The following PDSS2 variants were observed in gnomAD, a reference collection of about 807,000 sequenced individuals.
PDSS2 encodes all trans-polyprenyl-diphosphate synthase PDSS2.
In PDSS2, 31 loss-of-function variants were observed where a neutral mutation model predicts 44.5. That is an observed-to-expected ratio of 0.70 (90% CI 0.52 to 0.94). The LOEUF is 0.94. Among genes scored for constraint, PDSS2 ranks in the 40% least tolerant of loss-of-function variants. The pLI is 0.00. For synonymous variants in PDSS2, 157 were observed against 180.3 expected, an observed-to-expected ratio of 0.87 and a Z score of 1.03; for missense variants, 452 against 482.2, an observed-to-expected ratio of 0.94 and a Z score of 0.59.
At chr6:107,317,848 G>A (rs1458631440) in intron 2 of PDSS2, among the ~76,000 whole-genome samples, 2 of 152,130 alleles carry the variant, frequency 1.3e-5, no homozygotes, top group Non-Finnish European at 2.9e-5. Context: ...TTTGGGGTAC[G>A]CAGATCTTTA....
intron 1 of PDSS2, among the ~76,000 whole-genome samples, chr6:107,347,375 G>A (rs986766913): frequency 6.7e-6 from 1 of 148,314 alleles, no homozygotes; most frequent in Non-Finnish European, 1.5e-5. Flanking sequence ...CGATTCAAGC[G>A]ATTCAAGCCT....
At chr6:107,245,670 T>C (rs1774590661) in intron 3 of PDSS2, 51 bp from the exon 4 acceptor site, 2 of 1,137,542 alleles carry the variant, frequency 1.8e-6, no homozygotes, top group African/African-American at 3.1e-5. Flanking sequence ...TATATCTCTA[T>C]TGTTACCTCA....
chr6:107,453,928 C>T lies in PDSS2; in HGVS notation c.296+5062G>A, dbSNP rs78887563. ...TCTCCATGAAAGGTTCTCTACTATT[C>T]CAAGCCATCTCTCTATGTGGTAGCT... is the stretch of plus-strand genomic sequence containing the variant. On this transcript the variant is annotated intron_variant, in intron 1 of 7. Coordinates refer to ENST00000369037, the MANE Select transcript of PDSS2 (RefSeq NM_020381.4). Among the ~76,000 whole-genome samples, 1,207 of 152,260 alleles carry T rather than the reference C, an allele frequency of 7.9e-3. 50 individuals are homozygous for T. In the East Asian group the frequency reaches 0.12, roughly 15 times the overall value.
chr6:107,294,324 A>G (rs149847922), intron 2 of PDSS2, among the ~76,000 whole-genome samples: 77 of 152,314 alleles, frequency 5.1e-4, no homozygotes, highest in African/African-American at 1.6e-3. Flanking sequence ...CTAGAGACAC[A>G]AGAACAAATC....
rs1056586830 is a variant in PDSS2 at position 107,211,469 on chromosome 6, C to T, written c.876+640G>A. Among the ~76,000 whole-genome samples the T allele has an allele frequency of 1.5e-4, 22 of 151,588 alleles. No individual in the cohort carries two copies. The East Asian group carries it at 3.7e-3, about 25-fold the overall frequency. On this transcript the variant is annotated intron_variant, in intron 5 of 7. Transcript: ENST00000369037. ...ATAAGGGGCCAGGCGTGGTGGCTCACACCTGTAATCCCAGCACTTTGGGAG... is the reference window on the plus strand; with the variant it reads ...ATAAGGGGCCAGGCGTGGTGGCTCATACCTGTAATCCCAGCACTTTGGGAG...
chr6:107,454,639 C>CTT, intron 1 of PDSS2, among the ~76,000 whole-genome samples: 1 of 145,854 alleles, frequency 6.9e-6, no homozygotes. Context: ...TGGTGGTTTC[C>CTT]TTTTTTTTTT....
chr6:107,376,741 A>G (rs1361537079), intron 1 of PDSS2, among the ~76,000 whole-genome samples: 1 of 151,862 alleles, frequency 6.6e-6, no homozygotes, highest in African/African-American at 2.4e-5. Context: ...CTAATTGAAT[A>G]CCCTTTATTT....
chr6:107,236,487 T>C (rs980584308), intron 4 of PDSS2, among the ~76,000 whole-genome samples: 1 of 151,666 alleles, frequency 6.6e-6, no homozygotes, highest in Non-Finnish European at 1.5e-5. Flanking sequence ...AAAAAAGAGT[T>C]CATTACTAGC....
chr6:107,418,164 A>G (rs2114687179), intron 1 of PDSS2, among the ~76,000 whole-genome samples: 1 of 152,262 alleles, frequency 6.6e-6, no homozygotes, highest in Admixed American at 6.5e-5. Flanking sequence ...TGATAAGAGG[A>G]ACTCTGCAGG....
chr6:107,219,046 G>T lies in PDSS2; in HGVS notation c.703-6764C>A, dbSNP rs1582802897. Among the ~76,000 whole-genome samples the T allele has an allele frequency of 3.4e-5, 5 of 148,200 alleles. No homozygotes were observed. In the South Asian group the frequency reaches 1.1e-3, roughly 32 times the overall value. ...GCACTCCAGCCTGGGTGACAAGAGT[G>T]AAACTCTGTCTCAAAAAAAAAAAAA... On this transcript the variant is annotated intron_variant, in intron 4 of 7. Transcript: ENST00000369037.
chr6:107,451,768 G>C (rs1420642163), intron 1 of PDSS2, among the ~76,000 whole-genome samples: 3 of 152,064 alleles, frequency 2.0e-5, no homozygotes, highest in Non-Finnish European at 1.5e-5. Flanking sequence ...CCCAGAGCTC[G>C]GGGCCTTTGC....
At position 107,332,317 on chromosome 6, in the gene PDSS2, G is replaced by A. The variant is rs185241981; in HGVS notation, c.431+1881C>T. Among the ~76,000 whole-genome samples the A allele has an allele frequency of 8.6e-5, 13 of 152,044 alleles. No individual in the cohort carries two copies. The East Asian group carries it at 2.5e-3, about 29-fold the overall frequency. On this transcript the variant is annotated intron_variant, in intron 2 of 7. Coordinates refer to ENST00000369037, the MANE Select transcript of PDSS2 (RefSeq NM_020381.4). ...GACTGGGTTTCTCCATGTTGCCCAG[G>A]CTGGTCTTGAACTCCTGGACTCACA... is the stretch of plus-strand genomic sequence containing the variant.
intron 7 of PDSS2, among the ~76,000 whole-genome samples, chr6:107,192,782 AT>A (rs1772424694): frequency 6.7e-6 from 1 of 149,200 alleles, no homozygotes; most frequent in South Asian, 2.1e-4. Context: ...CTATTTTGTA[AT>A]TGTTAAAAAA....
intron 2 of PDSS2, among the ~76,000 whole-genome samples, chr6:107,298,324 T>C (rs1235761631): frequency 6.6e-6 from 1 of 152,154 alleles, no homozygotes; most frequent in Non-Finnish European, 1.5e-5. Context: ...GAGCAGACTT[T>C]TTTCCTGGTC....
intron 7 of PDSS2, among the ~76,000 whole-genome samples, chr6:107,180,622 A>G (rs1771939827): frequency 6.6e-6 from 1 of 152,108 alleles, no homozygotes; most frequent in Admixed American, 6.5e-5. Flanking sequence ...TGGTGAGCAA[A>G]CTCAAGACAC....
intron 2 of PDSS2, among the ~76,000 whole-genome samples, chr6:107,307,172 A>G (rs967935920): frequency 6.6e-5 from 10 of 152,214 alleles, no homozygotes; most frequent in Non-Finnish European, 1.5e-4. Flanking sequence ...AGGATGTCCA[A>G]ATGTGCACAT....
intron 1 of PDSS2, among the ~76,000 whole-genome samples, chr6:107,385,835 T>C (rs1191374137): frequency 1.3e-5 from 2 of 152,106 alleles, no homozygotes; most frequent in Non-Finnish European, 2.9e-5. Context: ...AAAAGCATGA[T>C]TGTACATGAG....
chr6:107,296,100 C>T (rs1031258198), intron 2 of PDSS2, among the ~76,000 whole-genome samples: 2 of 152,186 alleles, frequency 1.3e-5, no homozygotes, highest in Non-Finnish European at 2.9e-5. Flanking sequence ...AGGGCTGCTC[C>T]ATCAGCCTTA....
chr6:107,212,838 A>C (rs946046859), intron 4 of PDSS2, among the ~76,000 whole-genome samples: 1 of 15,714 alleles, frequency 6.4e-5, no homozygotes, highest in Non-Finnish European at 1.1e-4. Flanking sequence ...AGACTCTACA[A>C]AAAAAAAAAA....
Sources: gnomAD v4.1 joint callset for allele counts (sites outside exome capture counted in the v4.1 genomes callset) on GRCh38, gnomAD v4.1.1 for gene constraint, MANE v1.5 for transcripts, NCBI Gene and HGNC (gene_info 2026-07-23, HGNC 2026-07-21) for gene names.